The following CROT variants were observed in gnomAD, a reference collection of about 807,000 sequenced individuals.
CROT encodes carnitine O-octanoyltransferase, also known as peroxisomal carnitine O-octanoyltransferase.
In CROT, 84 loss-of-function variants were observed where a neutral mutation model predicts 89.2. That is an observed-to-expected ratio of 0.94 (90% CI 0.79 to 1.13). CROT has a LOEUF of 1.13. Ranked by LOEUF, CROT falls within the 50% of genes most tolerant of loss-of-function variation. The probability of loss-of-function intolerance (pLI) is 0.00; values close to 1 mark genes in which losing one functional copy is unlikely to be tolerated. For missense variants in CROT, 711 were observed against 727.8 expected, an observed-to-expected ratio of 0.98 and a Z score of 0.27; for synonymous variants, 212 against 239.5, an observed-to-expected ratio of 0.89 and a Z score of 1.06.
chr7:87,382,617 C>T, intron 13 of CROT, 74 bp downstream of exon 13: 1 of 1,452,992 alleles, frequency 6.9e-7, no homozygotes, highest in Non-Finnish European at 9.3e-7. Flanking sequence ...CTATTTCATC[C>T]TAACTCCTCA....
chr7:87,383,278 CA>C (rs1183858284), intron 13 of CROT, among the ~76,000 whole-genome samples: 1 of 152,120 alleles, frequency 6.6e-6, no homozygotes, highest in Non-Finnish European at 1.5e-5. Context: ...CTACTCATCC[CA>C]ATCTCTGTTA....
chr7:87,359,786 A>G lies in CROT; in HGVS notation c.240+456A>G, dbSNP rs556413556. 1.1e-5 allele frequency: 11 copies of G among 984,486 alleles called. No homozygotes were observed. In the South Asian group the frequency reaches 5.2e-4, roughly 46 times the overall value. 61.0% of individuals were successfully genotyped at this position (984,486 alleles called of 1,614,324 possible). ...TGGAGAATGGTTATGTATATTGTAT[A>G]TTTCAGTTAGATAAATTGAGGAAGC... On this transcript the variant is annotated intron_variant, in intron 4 of 17. Transcript: ENST00000331536.
At chr7:87,388,459 A>G (rs1368646829) in intron 13 of CROT, among the ~76,000 whole-genome samples, 1 of 152,216 alleles carries the variant, frequency 6.6e-6, no homozygotes, top group Non-Finnish European at 1.5e-5. Flanking sequence ...CAGAGGCCTT[A>G]GAAATAACAC....
rs1335796328 is a variant in CROT, at chr7:87,393,028, A to G, written c.1679A>G (p.His560Arg). ...CAGGGAGTGGTAGTTCCCATGGTAC[A>G]CAATGGTTATGGATTTTTCTACCAT... The part of the protein sequence containing the change: ...RVQGVVVPMV[H>R]NGYGFFYHIR... Residue 560 changes from histidine to arginine, a missense_variant, in exon 17 of 18, where the codon CAC becomes CGC. By Grantham distance (29) the His-to-Arg change is conservative (BLOSUM62 0). Coordinates refer to ENST00000331536, the MANE Select transcript of CROT (RefSeq NM_021151.4). 2 of 1,613,488 alleles carry G rather than the reference A, an allele frequency of 1.2e-6. No individual in the cohort carries two copies. Among genetic ancestry groups the G allele is most frequent in the South Asian group, 1.1e-5 (1 of 91,068 alleles).
intron 10 of CROT, among the ~76,000 whole-genome samples, chr7:87,379,477 C>T (rs924152176): frequency 1.3e-5 from 2 of 152,140 alleles, no homozygotes; most frequent in African/African-American, 4.8e-5. Context: ...TCCCTCATCC[C>T]CAAGACCATC....
At chr7:87,357,292 G>A (rs1432119195) in intron 3 of CROT, among the ~76,000 whole-genome samples, 2 of 152,134 alleles carry the variant, frequency 1.3e-5, no homozygotes, top group African/African-American at 4.8e-5. Flanking sequence ...ATCTTGCAAG[G>A]CTACTTTAAT....
chr7:87,368,592 G>T (rs1358561327), intron 6 of CROT, among the ~76,000 whole-genome samples: 1 of 152,168 alleles, frequency 6.6e-6, no homozygotes. Context: ...ATAAGATAAT[G>T]TATGTAAAGC....
intron 7 of CROT, among the ~76,000 whole-genome samples, chr7:87,370,059 A>T (rs1281030474): frequency 6.6e-6 from 1 of 151,992 alleles, no homozygotes; most frequent in Non-Finnish European, 1.5e-5. Context: ...TCACTTTCCC[A>T]TGGATTATTT....
At chr7:87,350,106 C>T (rs920892696) in intron 3 of CROT, among the ~76,000 whole-genome samples, 2 of 151,954 alleles carry the variant, frequency 1.3e-5, no homozygotes, top group African/African-American at 4.8e-5. Context: ...TATTATAATA[C>T]CAAGCATACT....
At chr7:87,363,486 G>A (rs1202060125) in intron 6 of CROT, among the ~76,000 whole-genome samples, 2 of 152,134 alleles carry the variant, frequency 1.3e-5, no homozygotes, top group African/African-American at 4.8e-5. Flanking sequence ...GTTACTTTTT[G>A]TGTGTGTTGA....
chr7:87,380,681 G>T (rs577451555), intron 10 of CROT, among the ~76,000 whole-genome samples: 1 of 152,186 alleles, frequency 6.6e-6, no homozygotes, highest in Non-Finnish European at 1.5e-5. Context: ...CCTTCTTTGA[G>T]ATTATTAGCT....
At chr7:87,369,776 A>T (rs1425826855) in intron 7 of CROT, 2 of 153,078 alleles carry the variant, frequency 1.3e-5, no homozygotes, top group African/African-American at 2.5e-5. Context: ...CCATTGTTCC[A>T]TACCTGTTGC....
intron 17 of CROT, among the ~76,000 whole-genome samples, chr7:87,395,130 G>T (rs1216877571): frequency 6.6e-6 from 1 of 152,142 alleles, no homozygotes; most frequent in Non-Finnish European, 1.5e-5. Context: ...CCCACAATAG[G>T]CCAGCTGCAA....
chr7:87,375,971 C>CTTTT lies in CROT; in HGVS notation c.876+26_876+29dup, dbSNP rs59190666. The CTTTT allele has an allele frequency of 1.8e-5, 24 of 1,301,804 alleles. No individual in the cohort carries two copies. Among genetic ancestry groups the CTTTT allele is most frequent in the Admixed American group, 8.0e-5 (3 of 37,670 alleles). The allele number at this position is 1,301,804 out of a possible 1,614,324, so 80.6% of individuals were successfully genotyped here. A position where few individuals can be genotyped will look rare whatever the true frequency, so the allele number is the denominator to read the frequency against. On this transcript the variant is annotated intron_variant, in intron 9 of 17. Coordinates refer to ENST00000331536, the MANE Select transcript of CROT (RefSeq NM_021151.4). Reference sequence around the variant, plus strand: ...ATTCTGAGGTACTTAACTACCTTCTCTTTTTTTTTTTATTGCAGATTTTTC... The same window carrying CTTTT: ...ATTCTGAGGTACTTAACTACCTTCTCTTTTTTTTTTTTTTTATTGCAGATTTTTC...
intron 7 of CROT, chr7:87,369,797 C>A (rs1168638441): frequency 1.3e-5 from 2 of 150,068 alleles, no homozygotes; most frequent in East Asian, 3.8e-4. Flanking sequence ...AATGAATTTA[C>A]ATGTATACCT....
chr7:87,357,747 G>T (rs767588686), intron 3 of CROT, among the ~76,000 whole-genome samples: 4 of 152,128 alleles, frequency 2.6e-5, no homozygotes, highest in Admixed American at 2.6e-4. Flanking sequence ...ACTAAGCTAC[G>T]TCTACATGTG....
At chr7:87,378,306 A>G (rs539900704) in intron 10 of CROT, among the ~76,000 whole-genome samples, 1 of 144,860 alleles carries the variant, frequency 6.9e-6, no homozygotes, top group South Asian at 2.2e-4. Flanking sequence ...TGTTTGGGCC[A>G]GTGCACTTCA....
At chr7:87,350,967 A>G (rs1435633887) in intron 3 of CROT, among the ~76,000 whole-genome samples, 3 of 152,096 alleles carry the variant, frequency 2.0e-5, no homozygotes, top group African/African-American at 7.2e-5. Flanking sequence ...TGTTTGTTTC[A>G]GTAGAGGAAG....
At position 87,345,770 on chromosome 7, in the gene CROT, C is replaced by T; in HGVS notation, c.-113+3C>T. 1 of 294,458 alleles carries T rather than the reference C, an allele frequency of 3.4e-6. No homozygotes were observed. The highest frequency in any genetic ancestry group is 5.4e-5 in the East Asian group (1 of 18,418). 18.2% of individuals were successfully genotyped at this position (294,458 alleles called of 1,614,324 possible). On this transcript the variant is annotated splice_donor_region_variant and intron_variant, in intron 1 of 17. Coordinates refer to ENST00000331536, the MANE Select transcript of CROT (RefSeq NM_021151.4). ...GCGCGGGCGGTGAGGACGGACAGGTCCGTTGAAGCAGCATTCCCTCCCTCC... is the reference window on the plus strand; with the variant it reads ...GCGCGGGCGGTGAGGACGGACAGGTTCGTTGAAGCAGCATTCCCTCCCTCC...
Sources: gnomAD v4.1 joint callset for allele counts (sites outside exome capture counted in the v4.1 genomes callset) on GRCh38, gnomAD v4.1.1 for gene constraint, MANE v1.5 for transcripts, NCBI Gene and HGNC (gene_info 2026-07-23, HGNC 2026-07-21) for gene names.